DCAF7: variants seen among roughly 807,000 people sequenced by gnomAD.
The protein encoded by DCAF7 is DDB1- and CUL4-associated factor 7.
DCAF7 carries 4 observed loss-of-function variants against 41.2 expected under a neutral mutation model. The ratio of observed to expected loss-of-function variants is 0.10; its 90% CI spans 0.05 to 0.22. The LOEUF (loss-of-function observed/expected upper bound fraction) is 0.22. Among genes scored for constraint, DCAF7 ranks in the 10% least tolerant of loss-of-function variants. The pLI is 1.00. For synonymous variants in DCAF7, 143 were observed against 164.2 expected (o/e 0.87, Z 0.99); for missense variants, 131 against 443.2 (o/e 0.30, Z 6.32).
chr17:63,582,176 C>T (rs538163366), intron 4 of DCAF7, among the ~76,000 whole-genome samples: 54 of 152,264 alleles, frequency 3.5e-4, no homozygotes, highest in African/African-American at 1.1e-3. Context: ...ATGACTGGCC[C>T]GGTCCCTTTT....
At chr17:63,582,984 C>T (rs1348882141) in intron 4 of DCAF7, among the ~76,000 whole-genome samples, 3 of 152,314 alleles carry the variant, frequency 2.0e-5, no homozygotes, top group Non-Finnish European at 2.9e-5. Context: ...CTAGGCCTCC[C>T]GTGACTCAAA....
chr17:63,587,758 A>G (rs1462776740), intron 6 of DCAF7, among the ~76,000 whole-genome samples: 2 of 152,178 alleles, frequency 1.3e-5, no homozygotes, highest in African/African-American at 4.8e-5. Flanking sequence ...GAGTCAGGGT[A>G]CACTGCAGCT....
chr17:63,559,310 TATATATATATGTATATATATATACATAC>T (rs1393835138), intron 1 of DCAF7, among the ~76,000 whole-genome samples: 11 of 107,408 alleles, frequency 1.0e-4, no homozygotes, highest in African/African-American at 4.8e-4. Flanking sequence ...GACCCATATA[TATATATATATGTATATATATATACATAC>T]ATATATATAC....
chr17:63,582,962 A>G (rs2033639940), intron 4 of DCAF7, among the ~76,000 whole-genome samples: 1 of 152,228 alleles, frequency 6.6e-6, no homozygotes, highest in African/African-American at 2.4e-5. Context: ...CTATTTGTGA[A>G]TACAGGAACA....
chr17:63,560,142 A>G (rs974486737), intron 1 of DCAF7, among the ~76,000 whole-genome samples: 17 of 151,664 alleles, frequency 1.1e-4, no homozygotes, highest in Non-Finnish European at 2.5e-4. Context: ...TGAACCTCAT[A>G]AGAAAAAAAA....
intron 1 of DCAF7, among the ~76,000 whole-genome samples, chr17:63,557,514 AAG>A (rs1568097059): frequency 1.3e-5 from 2 of 151,570 alleles, no homozygotes; most frequent in Non-Finnish European, 3.0e-5. Flanking sequence ...CAAAAAAAAA[AAG>A]AAAGAAAGAA....
rs147820515 is a variant in DCAF7, at chr17:63,577,613, A to G, written c.139-857A>G. On this transcript the variant is annotated intron_variant, in intron 1 of 6. Transcript: ENST00000614556. ...CCAGTCACAGTGGTTTGGGCTCTCA[A>G]ACGGTCATTTGACATACCTTTATGT... Among the ~76,000 whole-genome samples, 1,251 of 152,316 alleles carry G rather than the reference A, an allele frequency of 8.2e-3. 18 individuals carry two copies. The highest frequency in any genetic ancestry group is 0.028 in the African/African-American group (1,175 of 41,546).
Position 63,578,467 on chromosome 17 carries a change from C to T in DCAF7, c.139-3C>T, listed in dbSNP as rs767039999. On this transcript the variant is annotated splice_region_variant and splice_polypyrimidine_tract_variant and intron_variant, in intron 1 of 6. Transcript: ENST00000614556. ...TATGTGGCTCAACTTTGGTATGTTA[C>T]AGGTTCAGCTTGTTGGTTTAGATGA... 4 of 1,613,996 alleles carry T rather than the reference C, an allele frequency of 2.5e-6. No individual in the cohort carries two copies. Among genetic ancestry groups the T allele is most frequent in the South Asian group, 1.1e-5 (1 of 91,082 alleles).
At chr17:63,582,082 C>T (rs2033628639) in intron 4 of DCAF7, among the ~76,000 whole-genome samples, 1 of 152,174 alleles carries the variant, frequency 6.6e-6, no homozygotes, top group Non-Finnish European at 1.5e-5. Flanking sequence ...TATTGATAAA[C>T]ATGGCTGTGC....
At chr17:63,570,179 C>T (rs989931706) in intron 1 of DCAF7, among the ~76,000 whole-genome samples, 8 of 151,962 alleles carry the variant, frequency 5.3e-5, no homozygotes, top group East Asian at 1.9e-4. Context: ...AAAGGCAAGG[C>T]GTGATGGCTC....
chr17:63,571,785 ACTTTG>A lies in DCAF7; in HGVS notation c.139-6682_139-6678del, dbSNP rs779127187. On this transcript the variant is annotated intron_variant, in intron 1 of 6. Transcript: ENST00000614556. ...GGTACTATTTTTCAGAGATTGTCAA[ACTTTG>A]CTGAAATCACATCACCAGGGGTGAT... Among the ~76,000 whole-genome samples, 8 of 152,138 alleles carry A rather than the reference ACTTTG, an allele frequency of 5.3e-5. No homozygotes were observed. The East Asian group carries it at 7.8e-4, about 15-fold the overall frequency.
chr17:63,552,009 C>T (rs971720518), intron 1 of DCAF7, among the ~76,000 whole-genome samples: 1 of 142,656 alleles, frequency 7.0e-6, no homozygotes, highest in Non-Finnish European at 1.5e-5. Flanking sequence ...ACCTGGGAGG[C>T]GGAGGTTGCA....
chr17:63,567,412 A>G (rs2147766806), intron 1 of DCAF7, among the ~76,000 whole-genome samples: 1 of 152,372 alleles, frequency 6.6e-6, no homozygotes, highest in Admixed American at 6.5e-5. Flanking sequence ...AGGCTAAAAC[A>G]CACACTTGTG....
At chr17:63,581,119 A>G (rs1323628453) in intron 4 of DCAF7, among the ~76,000 whole-genome samples, 1 of 152,206 alleles carries the variant, frequency 6.6e-6, no homozygotes, top group African/African-American at 2.4e-5. Context: ...AAGCCCTGTT[A>G]CAAGACTTCT....
At chr17:63,582,471 C>CT (rs869165935) in intron 4 of DCAF7, among the ~76,000 whole-genome samples, 2,553 of 145,002 alleles carry the variant, frequency 0.018, 51 homozygotes, top group African/African-American at 0.049. Context: ...TCTTCGTCCT[C>CT]TTTTTTTTTT....
intron 1 of DCAF7, among the ~76,000 whole-genome samples, chr17:63,576,901 G>A (rs1264708417): frequency 2.0e-5 from 3 of 152,200 alleles, no homozygotes; most frequent in Admixed American, 6.5e-5. Context: ...GCAACAGAGT[G>A]AGACCCTATC....
intron 1 of DCAF7, among the ~76,000 whole-genome samples, chr17:63,551,101 G>C (rs1236987024): frequency 6.6e-6 from 1 of 152,186 alleles, no homozygotes; most frequent in Non-Finnish European, 1.5e-5. Flanking sequence ...TCTTAAAACC[G>C]GGTTTACGCC....
At chr17:63,554,660 A>G (rs564264343) in intron 1 of DCAF7, among the ~76,000 whole-genome samples, 1 of 152,382 alleles carries the variant, frequency 6.6e-6, no homozygotes, top group Non-Finnish European at 1.5e-5. Flanking sequence ...GCAATAAATA[A>G]TAACATCTAC....
chr17:63,564,172 T>C (rs879789969), intron 1 of DCAF7, among the ~76,000 whole-genome samples: 61 of 120,590 alleles, frequency 5.1e-4, no homozygotes, highest in African/African-American at 8.9e-4. Context: ...CATACACATA[T>C]ATACACACAC....
Sources: gnomAD v4.1 joint callset for allele counts (sites outside exome capture counted in the v4.1 genomes callset) on GRCh38, gnomAD v4.1.1 for gene constraint, MANE v1.5 for transcripts, NCBI Gene and HGNC (gene_info 2026-07-23, HGNC 2026-07-21) for gene names.